Variants in TNFSF4 observed in about 807,000 individuals in gnomAD.
TNFSF4 encodes tumor necrosis factor ligand superfamily member 4.
A neutral mutation model predicts 7.3 loss-of-function variants in TNFSF4; 4 were observed. The observed-to-expected ratio is 0.55, with a 90% CI of 0.27 to 1.25. The LOEUF (loss-of-function observed/expected upper bound fraction) is 1.25. Among genes scored for constraint, TNFSF4 ranks in the 50% most tolerant of loss-of-function variants. TNFSF4 has a pLI of 0.12. For missense variants in TNFSF4, 181 were observed against 208.8 expected (o/e 0.87, Z 0.82); for synonymous variants, 76 against 83.7 (o/e 0.91, Z 0.50).
At chr1:173,407,309 C>T in the TNFSF4 span, among the ~76,000 whole-genome samples, 1 of 151,954 alleles carries the variant, frequency 6.6e-6, no homozygotes, top group Non-Finnish European at 1.5e-5. Context: ...CGCGGTGGCT[C>T]ACACCTATAA....
At chr1:173,449,969 T>C in the TNFSF4 span, among the ~76,000 whole-genome samples, 4 of 152,074 alleles carry the variant, frequency 2.6e-5, no homozygotes, top group East Asian at 5.8e-4. Context: ...AGAAAAACAA[T>C]AGAGAAAATT....
the TNFSF4 span, among the ~76,000 whole-genome samples, chr1:173,260,401 A>C: frequency 6.6e-6 from 1 of 152,270 alleles, no homozygotes. Flanking sequence ...TGTAGTAGGC[A>C]GACCAATGAC....
At chr1:173,271,103 C>T in the TNFSF4 span, among the ~76,000 whole-genome samples, 3 of 152,154 alleles carry the variant, frequency 2.0e-5, no homozygotes, top group Non-Finnish European at 2.9e-5. Context: ...TGCCTGTTCA[C>T]TCTGATGCTA....
At chr1:173,307,740 T>C in the TNFSF4 span, among the ~76,000 whole-genome samples, 1 of 151,196 alleles carries the variant, frequency 6.6e-6, no homozygotes, top group Non-Finnish European at 1.5e-5. Flanking sequence ...AATAGGTACA[T>C]ACACACACAC....
chr1:173,426,841 G>C, the TNFSF4 span, among the ~76,000 whole-genome samples: 1 of 152,016 alleles, frequency 6.6e-6, no homozygotes, highest in Non-Finnish European at 1.5e-5. Context: ...TGATCCTCCT[G>C]CATCAGCCTC....
the TNFSF4 span, among the ~76,000 whole-genome samples, chr1:173,309,666 G>A: frequency 2.0e-5 from 3 of 151,444 alleles, no homozygotes; most frequent in African/African-American, 7.3e-5. Flanking sequence ...GTCCTTATTA[G>A]ACTTTGCTAT....
At chr1:173,256,568 G>A in the TNFSF4 span, among the ~76,000 whole-genome samples, 111 of 152,204 alleles carry the variant, frequency 7.3e-4, 1 homozygote, top group Middle Eastern at 3.4e-3. Flanking sequence ...GACACAATTC[G>A]GTCCATAACA....
intron 1 of TNFSF4, 145 bp from the exon 2 acceptor site, chr1:173,188,714 G>C: frequency 1.5e-6 from 1 of 681,088 alleles, no homozygotes; most frequent in South Asian, 1.9e-5. Context: ...TTTTGTTGTT[G>C]TTGTTGTTGT....
chr1:173,212,589 A>G, the TNFSF4 span, among the ~76,000 whole-genome samples: 278 of 151,974 alleles, frequency 1.8e-3, 2 homozygotes, highest in African/African-American at 5.1e-3. Context: ...AAAAAAAAAA[A>G]AAAGAAAGAA....
the TNFSF4 span, among the ~76,000 whole-genome samples, chr1:173,240,313 A>G: frequency 3.9e-5 from 6 of 152,028 alleles, no homozygotes; most frequent in African/African-American, 1.4e-4. Flanking sequence ...CCCATCTACA[A>G]TCCCACTTCC....
the TNFSF4 span, among the ~76,000 whole-genome samples, chr1:173,422,973 CA>C: frequency 1.7e-5 from 1 of 59,070 alleles, no homozygotes; most frequent in South Asian, 9.4e-4. Context: ...TATATATGTA[CA>C]TTTTTTTTTT....
At chr1:173,440,807 C>T in the TNFSF4 span, 1 of 152,178 alleles carries the variant, frequency 6.6e-6, no homozygotes, top group Non-Finnish European at 1.5e-5. Flanking sequence ...TGAAATGACA[C>T]ATTCTCAATC....
the TNFSF4 span, among the ~76,000 whole-genome samples, chr1:173,212,850 T>A: frequency 6.6e-6 from 1 of 151,840 alleles, no homozygotes; most frequent in African/African-American, 2.4e-5. Context: ...AATTTAAAAC[T>A]TTTTTAAATA....
At chr1:173,212,504 GCT>G in the TNFSF4 span, among the ~76,000 whole-genome samples, 1 of 151,622 alleles carries the variant, frequency 6.6e-6, no homozygotes, top group African/African-American at 2.4e-5. Flanking sequence ...CATTTATTAT[GCT>G]CTGTTTCATC....
At chr1:173,273,466 A>G in the TNFSF4 span, among the ~76,000 whole-genome samples, 1 of 152,118 alleles carries the variant, frequency 6.6e-6, no homozygotes, top group African/African-American at 2.4e-5. Flanking sequence ...TACATTTTCT[A>G]TGAACTTTTC....
chr1:173,389,071 C>T, the TNFSF4 span, among the ~76,000 whole-genome samples: 1 of 152,126 alleles, frequency 6.6e-6, no homozygotes, highest in Non-Finnish European at 1.5e-5. Context: ...TTTCTTTTTA[C>T]GAATGGTAGT....
the TNFSF4 span, among the ~76,000 whole-genome samples, chr1:173,382,199 C>T: frequency 2.0e-5 from 3 of 152,104 alleles, no homozygotes; most frequent in Non-Finnish European, 2.9e-5. Flanking sequence ...ACAAACCCAC[C>T]GGGAGGAACA....
At position 173,186,487 on chromosome 1, in the gene TNFSF4, G is replaced by A. The variant is rs1214326961; in HGVS notation, c.*29C>T. ...CCCCCAGCTTGGTGTTCATGCTGGT[G>A]CCTGGTTTTAGATATTGCCATCAGC... On this transcript the variant is annotated 3_prime_UTR_variant, in exon 3 of 3. Transcript: ENST00000281834. 3 of 1,556,266 alleles carry A rather than the reference G, an allele frequency of 1.9e-6. No individual in the cohort carries two copies. Among genetic ancestry groups the A allele is most frequent in the Non-Finnish European group, 1.8e-6 (2 of 1,139,412 alleles).
the TNFSF4 span, among the ~76,000 whole-genome samples, chr1:173,277,759 C>A: frequency 4.0e-4 from 61 of 152,224 alleles, 1 homozygote; most frequent in Non-Finnish European, 6.0e-4. Flanking sequence ...GTATTCATTT[C>A]ACTTAGTCTC....
Sources: allele counts gnomAD v4.1 joint callset (sites outside exome capture counted in the v4.1 genomes callset), GRCh38; gene constraint gnomAD v4.1.1; transcripts MANE v1.5; gene names NCBI Gene and HGNC (gene_info 2026-07-23, HGNC 2026-07-21).